The following SCAMP1 variants were observed in gnomAD, a reference collection of about 807,000 sequenced individuals.
The protein encoded by SCAMP1 is secretory carrier membrane protein 1, also known as secretory carrier-associated membrane protein 1.
Under a neutral mutation model 41.8 loss-of-function variants are expected in SCAMP1, and 15 were observed. The observed-to-expected ratio is 0.36, with a 90% CI of 0.24 to 0.55. The LOEUF is 0.55. Ranked by LOEUF, SCAMP1 falls within the 20% of genes least tolerant of loss-of-function variation. The pLI is 0.86. For missense variants in SCAMP1, 341 were observed against 412.6 expected (o/e 0.83, Z 1.50); for synonymous variants, 135 against 136.8 (o/e 0.99, Z 0.09).
At chr5:78,442,975 G>T (rs1229109794) in intron 6 of SCAMP1, among the ~76,000 whole-genome samples, 2 of 152,132 alleles carry the variant, frequency 1.3e-5, no homozygotes, top group Non-Finnish European at 2.9e-5. Context: ...GGGAGGCCAA[G>T]GCAGCCGGAT....
chr5:78,403,400 A>G (rs1751846602), intron 2 of SCAMP1, among the ~76,000 whole-genome samples: 1 of 152,138 alleles, frequency 6.6e-6, no homozygotes, highest in African/African-American at 2.4e-5. Flanking sequence ...AAACATATAT[A>G]TGTATATATA....
In SCAMP1 at chr5:78,443,699, A is replaced by T. The variant is rs534967194; in HGVS notation, c.633-6234A>T. Among the ~76,000 whole-genome samples, 24 of 112,830 alleles carry T rather than the reference A, an allele frequency of 2.1e-4. No homozygotes were observed. In the South Asian group the frequency reaches 3.9e-3, roughly 18 times the overall value. 74.0% of individuals were successfully genotyped at this position (112,830 alleles called of 152,430 possible). On this transcript the variant is annotated intron_variant, in intron 6 of 8. Transcript: ENST00000621999. Reference sequence around the variant, plus strand: ...TTTTGAGATAGGATCTCATTCTGTCACCCAGGCTGGAATACAGTAGCACAA... The same window carrying T: ...TTTTGAGATAGGATCTCATTCTGTCTCCCAGGCTGGAATACAGTAGCACAA...
At chr5:78,466,116 T>A (rs1017891319) in intron 8 of SCAMP1, among the ~76,000 whole-genome samples, 1 of 152,240 alleles carries the variant, frequency 6.6e-6, no homozygotes, top group African/African-American at 2.4e-5. Context: ...TGAGGGTGTT[T>A]TATAGAAGTA....
chr5:78,360,734 C>CCGCA lies in SCAMP1; in HGVS notation c.57+6_57+7insCGCA, dbSNP rs771145473. ...ATCTCAACAATCCCTTCAAGGTGAGCTTCGGCCCCAGCATCTCCTGCCGCC... is the reference window on the plus strand; with the variant it reads ...ATCTCAACAATCCCTTCAAGGTGAGCCGCATTCGGCCCCAGCATCTCCTGCCGCC... On this transcript the variant is annotated splice_region_variant and intron_variant, in intron 1 of 8. Coordinates refer to ENST00000621999, the MANE Select transcript of SCAMP1 (RefSeq NM_004866.6). 6 of 1,605,522 alleles carry CCGCA rather than the reference C, an allele frequency of 3.7e-6. No individual in the cohort carries two copies. The highest frequency in any genetic ancestry group is 4.5e-5 in the East Asian group (2 of 44,246).
Position 78,459,034 on chromosome 5 carries a change from A to G in SCAMP1, c.735-211A>G, listed in dbSNP as rs571603485. On this transcript the variant is annotated intron_variant, in intron 7 of 8. Transcript: ENST00000621999. ...TTATAAGCTGTGTGACCTCGGGCAG[A>G]TTACTGAATGTCTCAGTTCCTCATT... Among the ~76,000 whole-genome samples, 5 of 152,346 alleles carry G rather than the reference A, an allele frequency of 3.3e-5. No homozygotes were observed. In the South Asian group the frequency reaches 8.3e-4, roughly 25 times the overall value.
chr5:78,423,016 G>GCGCACACACACACA (rs1204660636), intron 6 of SCAMP1, among the ~76,000 whole-genome samples: 3 of 33,404 alleles, frequency 9.0e-5, no homozygotes, highest in African/African-American at 3.0e-4. Context: ...ACGCGCGCGC[G>GCGCACACACACACA]CACACACACA....
intron 2 of SCAMP1, among the ~76,000 whole-genome samples, chr5:78,393,890 C>T (rs80011084): frequency 0.032 from 4,885 of 152,092 alleles, 244 homozygotes; most frequent in African/African-American, 0.1. Flanking sequence ...GCATTTGTGG[C>T]TTTAGACAGA....
chr5:78,362,637 C>A (rs1750685438), intron 1 of SCAMP1, among the ~76,000 whole-genome samples: 2 of 152,196 alleles, frequency 1.3e-5, no homozygotes, highest in Non-Finnish European at 2.9e-5. Context: ...TGGTTGTACA[C>A]ATATTTCTGC....
Position 78,432,364 on chromosome 5 carries a change from T to C in SCAMP1, c.632+10404T>C, listed in dbSNP as rs1284102814. ...ATCTTTTTGCCAGAAAATTTTTCTT[T>C]AATATTTTTGGTAGAACAGGTCTGC... On this transcript the variant is annotated intron_variant, in intron 6 of 8. Coordinates refer to ENST00000621999, the MANE Select transcript of SCAMP1 (RefSeq NM_004866.6). 7.2e-5 allele frequency among the ~76,000 whole-genome samples: 11 copies of C among 152,150 alleles called. No homozygotes were observed. In the East Asian group the frequency reaches 2.1e-3, roughly 29 times the overall value.
intron 5 of SCAMP1, among the ~76,000 whole-genome samples, chr5:78,419,766 A>G (rs1368918227): frequency 1.3e-5 from 2 of 152,188 alleles, no homozygotes; most frequent in Non-Finnish European, 2.9e-5. Flanking sequence ...AATGGATGAG[A>G]TAATTTTCCT....
chr5:78,444,609 C>T (rs1753009951), intron 6 of SCAMP1, among the ~76,000 whole-genome samples: 1 of 152,322 alleles, frequency 6.6e-6, no homozygotes, highest in South Asian at 2.1e-4. Flanking sequence ...AATGCCTGTA[C>T]ACCATCAATA....
chr5:78,397,451 C>G (rs1751681035), intron 2 of SCAMP1, among the ~76,000 whole-genome samples: 1 of 152,070 alleles, frequency 6.6e-6, no homozygotes, highest in Non-Finnish European at 1.5e-5. Context: ...ACTAAAAATA[C>G]AAACAACAAA....
chr5:78,469,421 C>T (rs986551838), intron 8 of SCAMP1, among the ~76,000 whole-genome samples: 4 of 151,404 alleles, frequency 2.6e-5, no homozygotes, highest in Non-Finnish European at 4.4e-5. Context: ...AAATGGCACT[C>T]TTGAGCAGAT....
At chr5:78,471,208 C>T (rs1340383580) in intron 8 of SCAMP1, among the ~76,000 whole-genome samples, 4 of 152,052 alleles carry the variant, frequency 2.6e-5, no homozygotes, top group Admixed American at 2.0e-4. Context: ...AAAGGATTGG[C>T]GGTACTCTCA....
At chr5:78,447,555 A>T (rs1282262196) in intron 6 of SCAMP1, among the ~76,000 whole-genome samples, 1 of 152,142 alleles carries the variant, frequency 6.6e-6, no homozygotes, top group Non-Finnish European at 1.5e-5. Context: ...AACCATATGC[A>T]AAAAAGAACT....
chr5:78,368,868 C>T (rs1750865567), intron 1 of SCAMP1, among the ~76,000 whole-genome samples: 1 of 152,004 alleles, frequency 6.6e-6, no homozygotes, highest in Non-Finnish European at 1.5e-5. Flanking sequence ...GGTTAACTGG[C>T]AAAGTTTACT....
intron 2 of SCAMP1, among the ~76,000 whole-genome samples, chr5:78,390,161 A>T (rs542757733): frequency 4.6e-5 from 7 of 152,330 alleles, no homozygotes; most frequent in African/African-American, 1.2e-4. Flanking sequence ...TAGGACATCT[A>T]GATGGTGTCC....
At chr5:78,385,421 G>C (rs1751317030) in intron 1 of SCAMP1, among the ~76,000 whole-genome samples, 1 of 151,560 alleles carries the variant, frequency 6.6e-6, no homozygotes, top group Admixed American at 6.6e-5. Context: ...TTTATCTTTT[G>C]TATTTGTTTG....
At chr5:78,393,143 G>T (rs956888105) in intron 2 of SCAMP1, among the ~76,000 whole-genome samples, 1 of 152,026 alleles carries the variant, frequency 6.6e-6, no homozygotes, top group Non-Finnish European at 1.5e-5. Flanking sequence ...GTTATTTAAG[G>T]AAGGCTACAG....
Sources: allele counts gnomAD v4.1 joint callset (sites outside exome capture counted in the v4.1 genomes callset), GRCh38; gene constraint gnomAD v4.1.1; transcripts MANE v1.5; gene names NCBI Gene and HGNC (gene_info 2026-07-23, HGNC 2026-07-21).